The following SLC35F2 variants were observed in gnomAD, a reference collection of about 807,000 sequenced individuals.
The protein encoded by SLC35F2 is queuine/queuosine transporter SLC35F2.
In SLC35F2, 25 loss-of-function variants were observed where a neutral mutation model predicts 38.1. That is an observed-to-expected ratio of 0.66 (90% confidence interval 0.48 to 0.92). The LOEUF is 0.92. Ranked by LOEUF, SLC35F2 falls within the 40% of genes least tolerant of loss-of-function variation. The pLI is 0.00. For synonymous variants in SLC35F2, 173 were observed against 181.7 expected (o/e 0.95, Z 0.38); for missense variants, 409 against 452.9 (o/e 0.90, Z 0.88).
chr11:107,813,344 C>T (rs778865147), intron 2 of SLC35F2, among the ~76,000 whole-genome samples: 1 of 152,040 alleles, frequency 6.6e-6, no homozygotes, highest in Non-Finnish European at 1.5e-5. Context: ...ACTAGGGAGG[C>T]TGAGGCAAGA....
intron 3 of SLC35F2, chr11:107,811,287 T>C (rs1458923548): frequency 3.1e-6 from 3 of 980,410 alleles, no homozygotes; most frequent in Admixed American, 1.2e-4. Context: ...TTCTTTGTCA[T>C]GAATATCTAC....
At chr11:107,807,568 T>TTTA (rs1021186672) in intron 3 of SLC35F2, among the ~76,000 whole-genome samples, 6 of 113,758 alleles carry the variant, frequency 5.3e-5, no homozygotes, top group Non-Finnish European at 9.1e-5. Flanking sequence ...TTTCTTTTAT[T>TTTA]TTATTATTAT....
At chr11:107,798,153 G>A (rs1029834085) in intron 7 of SLC35F2, among the ~76,000 whole-genome samples, 5 of 151,930 alleles carry the variant, frequency 3.3e-5, no homozygotes, top group African/African-American at 9.7e-5. Flanking sequence ...ACAGGTGCCC[G>A]CCATCATGCC....
chr11:107,819,614 G>A (rs940298250), intron 1 of SLC35F2, among the ~76,000 whole-genome samples: 2 of 152,144 alleles, frequency 1.3e-5, no homozygotes, highest in East Asian at 1.9e-4. Context: ...CACTTAGTCC[G>A]GTATAGTGCA....
intron 1 of SLC35F2, among the ~76,000 whole-genome samples, chr11:107,858,000 C>A (rs1056492896): frequency 6.6e-6 from 1 of 152,184 alleles, no homozygotes; most frequent in Non-Finnish European, 1.5e-5. Flanking sequence ...CCTCCAGCAA[C>A]CACAGAAACG....
At chr11:107,841,936 T>C (rs943547837) in intron 1 of SLC35F2, among the ~76,000 whole-genome samples, 9 of 151,276 alleles carry the variant, frequency 5.9e-5, no homozygotes, top group Non-Finnish European at 1.3e-4. Context: ...CGTGGTGGTG[T>C]GCACCTGTAA....
intron 1 of SLC35F2, among the ~76,000 whole-genome samples, chr11:107,820,087 C>A (rs996761069): frequency 6.6e-6 from 1 of 151,558 alleles, no homozygotes; most frequent in African/African-American, 2.4e-5. Context: ...GAAACCCAGT[C>A]TCTACTAAAA....
intron 1 of SLC35F2, among the ~76,000 whole-genome samples, chr11:107,819,205 G>A (rs936340201): frequency 6.6e-5 from 10 of 152,194 alleles, no homozygotes; most frequent in Non-Finnish European, 1.3e-4. Context: ...AGAATTGGAC[G>A]AGATGGTGTT....
At chr11:107,832,504 A>G (rs551139453) in intron 1 of SLC35F2, among the ~76,000 whole-genome samples, 1 of 152,304 alleles carries the variant, frequency 6.6e-6, no homozygotes, top group African/African-American at 2.4e-5. Flanking sequence ...TTTTCAAACA[A>G]TGAGAAATCT....
At chr11:107,818,981 A>T (rs533326705) in intron 1 of SLC35F2, among the ~76,000 whole-genome samples, 34 of 152,300 alleles carry the variant, frequency 2.2e-4, no homozygotes, top group East Asian at 1.2e-3. Context: ...TCTCTATTTT[A>T]AAAAAGTGGG....
At chr11:107,802,927 G>T in intron 7 of SLC35F2, 74 bp downstream of exon 7, 1 of 1,371,530 alleles carries the variant, frequency 7.3e-7, no homozygotes, top group Non-Finnish European at 9.8e-7. Flanking sequence ...TTTTGATCTA[G>T]AGTCTTGAAG....
rs746363441 is a variant in SLC35F2 at position 107,815,902 on chromosome 11, G to A, written c.174C>T (p.Ile58=). ...ATCTTTCTGCCAAATACTGGCTGGT[G>A]ATGGCTGTCCCACATATACACAAGG... The part of the protein sequence containing the change: ...MLSLCICGTA[I]TSQYLAERYK... The change falls in exon 2 of 8, where the codon ATC becomes ATT. Residue 58 remains isoleucine (I), a synonymous_variant. Coordinates refer to ENST00000525815, the MANE Select transcript of SLC35F2 (RefSeq NM_017515.5). 4 of 1,614,040 alleles carry A rather than the reference G, an allele frequency of 2.5e-6. No homozygotes were observed. Among genetic ancestry groups the A allele is most frequent in the Non-Finnish European group, 3.4e-6 (4 of 1,180,016 alleles).
At chr11:107,795,107 G>A (rs1489965671) in intron 7 of SLC35F2, among the ~76,000 whole-genome samples, 2 of 152,134 alleles carry the variant, frequency 1.3e-5, no homozygotes, top group Admixed American at 1.3e-4. Flanking sequence ...ATTAAAATGA[G>A]CATACTGCCC....
At chr11:107,845,683 T>C (rs1332113553) in intron 1 of SLC35F2, among the ~76,000 whole-genome samples, 1 of 149,132 alleles carries the variant, frequency 6.7e-6, no homozygotes, top group East Asian at 2.0e-4. Flanking sequence ...CTGGGCACGG[T>C]GGCTCATGCC....
At chr11:107,834,098 G>GA (rs367817742) in intron 1 of SLC35F2, among the ~76,000 whole-genome samples, 5 of 152,140 alleles carry the variant, frequency 3.3e-5, no homozygotes, top group African/African-American at 1.2e-4. Flanking sequence ...GGGCTCCTTT[G>GA]AAATGCTGAG....
intron 7 of SLC35F2, among the ~76,000 whole-genome samples, chr11:107,795,072 CT>C (rs1859196534): frequency 1.3e-5 from 2 of 152,300 alleles, no homozygotes; most frequent in South Asian, 4.1e-4. Flanking sequence ...AACACCCATG[CT>C]TATGGACTGG....
chr11:107,798,719 A>G (rs191767547), intron 7 of SLC35F2, among the ~76,000 whole-genome samples: 16 of 152,324 alleles, frequency 1.1e-4, no homozygotes, highest in African/African-American at 3.6e-4. Context: ...AATTAGAGCC[A>G]AAGTTATTTT....
At chr11:107,813,492 A>C (rs777850755) in intron 2 of SLC35F2, among the ~76,000 whole-genome samples, 2 of 152,054 alleles carry the variant, frequency 1.3e-5, no homozygotes, top group African/African-American at 2.4e-5. Context: ...CAAAACAAAA[A>C]CACAGAATTA....
intron 1 of SLC35F2, among the ~76,000 whole-genome samples, chr11:107,843,703 T>A (rs958260205): frequency 6.6e-6 from 1 of 151,210 alleles, no homozygotes; most frequent in Non-Finnish European, 1.5e-5. Flanking sequence ...AAAATTTTTT[T>A]AAAATTAGGT....
Sources: allele counts gnomAD v4.1 joint callset (sites outside exome capture counted in the v4.1 genomes callset), GRCh38; gene constraint gnomAD v4.1.1; transcripts MANE v1.5; gene names NCBI Gene and HGNC (gene_info 2026-07-23, HGNC 2026-07-21).